The following MILR1 variants were observed in gnomAD, a reference collection of about 807,000 sequenced individuals.
The protein encoded by MILR1 is mast cell immunoglobulin like receptor 1, also known as allergin-1.
MILR1 carries 31 observed loss-of-function variants against 18.5 expected under a neutral mutation model. The observed-to-expected ratio is 1.68, with a 90% confidence interval of 1.26 to 2.26. The LOEUF is 2.26. Among genes scored for constraint, MILR1 ranks in the 30% most tolerant of loss-of-function variants. The probability of loss-of-function intolerance (pLI) is 0.00; values close to 1 mark genes in which losing one functional copy is unlikely to be tolerated. For synonymous variants in MILR1, 85 were observed against 56.2 expected, an observed-to-expected ratio of 1.51 and a Z score of -2.30; for missense variants, 257 against 157.4, an observed-to-expected ratio of 1.63 and a Z score of -3.38.
chr17:64,480,977 TG>T, the MILR1 span, among the ~76,000 whole-genome samples: 1 of 152,206 alleles, frequency 6.6e-6, no homozygotes, highest in Admixed American at 6.6e-5. Flanking sequence ...TAAACTTAAC[TG>T]TTTTCTTTAC....
chr17:64,493,097 T>C, the MILR1 span: 8 of 1,438,296 alleles, frequency 5.6e-6, no homozygotes, highest in South Asian at 9.2e-5. Flanking sequence ...GACACATTAA[T>C]AGTAGTAATA....
chr17:64,497,354 A>G, the MILR1 span, among the ~76,000 whole-genome samples: 1 of 152,246 alleles, frequency 6.6e-6, no homozygotes, highest in Non-Finnish European at 1.5e-5. Flanking sequence ...AGTATTATCC[A>G]AATCACCTTC....
the MILR1 span, among the ~76,000 whole-genome samples, chr17:64,489,569 C>T: frequency 2.9e-4 from 44 of 151,540 alleles, 1 homozygote; most frequent in Non-Finnish European, 4.3e-4. Flanking sequence ...GAGACCAGCC[C>T]GGGCAACAAA....
chr17:64,463,981 G>A (rs1449574990), intron 5 of MILR1, among the ~76,000 whole-genome samples: 3 of 151,556 alleles, frequency 2.0e-5, no homozygotes, highest in African/African-American at 4.9e-5. Flanking sequence ...CCACCACCAC[G>A]CTAGGCTAAT....
chr17:64,479,729 G>A, the MILR1 span, among the ~76,000 whole-genome samples: 3 of 152,172 alleles, frequency 2.0e-5, no homozygotes, highest in Admixed American at 6.5e-5. Flanking sequence ...TAGTGGCAGC[G>A]AAGACAGAGA....
intron 3 of MILR1, among the ~76,000 whole-genome samples, chr17:64,455,380 TGTTGTCTCCAACCCAGTAAGG>T (rs1478336961): frequency 1.3e-5 from 2 of 152,138 alleles, no homozygotes; most frequent in African/African-American, 2.4e-5. Flanking sequence ...TAAAACATAG[TGTTGTCTCCAACCCAGTAAGG>T]GTTGAAACTA....
chr17:64,456,035 C>A (rs1249610972), intron 3 of MILR1, among the ~76,000 whole-genome samples: 1 of 151,920 alleles, frequency 6.6e-6, no homozygotes, highest in East Asian at 2.0e-4. Flanking sequence ...AGTGAGACTC[C>A]GTCTCAAAAC....
intron 2 of MILR1, among the ~76,000 whole-genome samples, chr17:64,451,014 C>T (rs1032781191): frequency 1.3e-5 from 2 of 152,312 alleles, no homozygotes; most frequent in African/African-American, 4.8e-5. Context: ...TTGTTACAGA[C>T]CCTGCTAAGT....
At chr17:64,475,804 CTTCCTT>C in the MILR1 span, among the ~76,000 whole-genome samples, 1 of 147,292 alleles carries the variant, frequency 6.8e-6, no homozygotes, top group African/African-American at 2.5e-5. Context: ...ACTACTACCA[CTTCCTT>C]TTTTTTTTTT....
At chr17:64,468,927 A>T (rs1277652327), downstream of MILR1, among the ~76,000 whole-genome samples, 1 of 151,960 alleles carries the variant, frequency 6.6e-6, no homozygotes, top group Non-Finnish European at 1.5e-5. Context: ...TGTACTAAAA[A>T]TACAAAAAAA....
intron 5 of MILR1, among the ~76,000 whole-genome samples, chr17:64,464,909 G>A (rs1429698214): frequency 6.6e-6 from 1 of 151,862 alleles, no homozygotes; most frequent in African/African-American, 2.4e-5. Flanking sequence ...GGGCAACAGA[G>A]CAAGACTCCG....
At chr17:64,468,701 A>C, downstream of MILR1, 4 of 989,140 alleles carry the variant, frequency 4.0e-6, no homozygotes, top group Non-Finnish European at 4.9e-6. Context: ...TGGCATCTCC[A>C]TGATCTTTTC....
In MILR1 at chr17:64,457,403, C is replaced by T. The variant is rs921265348; in HGVS notation, c.371C>T (p.Pro124Leu). The change falls in exon 4 of 10, where the codon CCG becomes CTG. Residue 124 changes from proline (P) to leucine (L), a missense_variant. By Grantham distance (98) the Pro-to-Leu change is moderately conservative. Transcript: ENST00000619286. ...ATGTTCACTTTCATTCTTCCAGACC[C>T]GGTGACTTCCCCAGTGCTGAACATT... ...SRDFSFTIVD[P>L]VTSPVLNIMV... is the part of the protein sequence containing the mutation. 1.5e-4 allele frequency: 70 copies of T among 475,290 alleles called. No homozygotes were observed. The highest frequency in any genetic ancestry group is 7.7e-4 in the African/African-American group (39 of 50,630). 29.4% of individuals were successfully genotyped at this position (475,290 alleles called of 1,614,324 possible).
At chr17:64,453,510 G>A (rs1049556861) in intron 3 of MILR1, among the ~76,000 whole-genome samples, 2 of 143,326 alleles carry the variant, frequency 1.4e-5, no homozygotes, top group Non-Finnish European at 3.0e-5. Flanking sequence ...TTTATTCTGT[G>A]ATTCCCATTG....
intron 2 of MILR1, 120 bp downstream of exon 2, chr17:64,449,475 C>G: frequency 2.4e-6 from 1 of 411,214 alleles, no homozygotes; most frequent in Non-Finnish European, 4.4e-6. Context: ...AACCAAAGAA[C>G]AGTCTTTTCA....
chr17:64,486,098 A>G, the MILR1 span, among the ~76,000 whole-genome samples: 1 of 152,092 alleles, frequency 6.6e-6, no homozygotes, highest in Non-Finnish European at 1.5e-5. Flanking sequence ...TCATTTTACA[A>G]AGCACCCACT....
At chr17:64,480,558 C>T in the MILR1 span, among the ~76,000 whole-genome samples, 1 of 152,154 alleles carries the variant, frequency 6.6e-6, no homozygotes, top group Non-Finnish European at 1.5e-5. Context: ...CTTTATAAAT[C>T]GTATACTTCT....
chr17:64,471,400 C>T (rs1413336343), downstream of MILR1, among the ~76,000 whole-genome samples: 1 of 152,148 alleles, frequency 6.6e-6, no homozygotes, highest in African/African-American at 2.4e-5. Flanking sequence ...CAGAAAGCGA[C>T]ACCTCCCCCA....
At chr17:64,470,037 C>A (rs2037663823), downstream of MILR1, among the ~76,000 whole-genome samples, 1 of 152,102 alleles carries the variant, frequency 6.6e-6, no homozygotes, top group South Asian at 2.1e-4. Flanking sequence ...TTTGGAAAGA[C>A]AAAAAAGTTC....
Sources: gnomAD v4.1 joint callset for allele counts (sites outside exome capture counted in the v4.1 genomes callset) on GRCh38, gnomAD v4.1.1 for gene constraint, MANE v1.5 for transcripts, NCBI Gene and HGNC (gene_info 2026-07-23, HGNC 2026-07-21) for gene names.